Variants in SORCS1 observed in about 807,000 individuals in gnomAD.
SORCS1 encodes sortilin related VPS10 domain containing receptor 1.
In SORCS1, 60 loss-of-function variants were observed where a neutral mutation model predicts 146.1. The ratio of observed to expected loss-of-function variants is 0.41; its 90% CI spans 0.33 to 0.51. SORCS1 has a LOEUF of 0.51. Among genes scored for constraint, SORCS1 ranks in the 20% least tolerant of loss-of-function variants. SORCS1 has a pLI of 0.21. For synonymous variants in SORCS1, 637 were observed against 584.0 expected, an observed-to-expected ratio of 1.09 and a Z score of -1.31; for missense variants, 1,352 against 1,487.6, an observed-to-expected ratio of 0.91 and a Z score of 1.50.
At chr10:107,143,532 C>A (rs1590229540) in intron 1 of SORCS1, among the ~76,000 whole-genome samples, 1 of 152,084 alleles carries the variant, frequency 6.6e-6, no homozygotes, top group Admixed American at 6.5e-5. Context: ...GAGATGGAAT[C>A]TCCCTCTGTC....
In SORCS1 at chr10:106,836,004, T is replaced by TAA. The variant is rs5787690; in HGVS notation, c.627-6333_627-6332dup. 8.8e-3 allele frequency among the ~76,000 whole-genome samples: 1,270 copies of TAA among 143,690 alleles called. 45 individuals are homozygous for TAA. In the East Asian group the frequency reaches 0.12, roughly 13 times the overall value. The allele number at this position is 143,690 out of a possible 152,430, so 94.3% of individuals were successfully genotyped here. A position where few individuals can be genotyped will look rare whatever the true frequency, so the allele number is the denominator to read the frequency against. ...TGGGCAACAGGAGCGAGACTGCGTC[T>TAA]AAAAAAAAAAAAAAATCCTAACAGA... On this transcript the variant is annotated intron_variant, in intron 2 of 25. Transcript: ENST00000263054.
In SORCS1 at chr10:106,620,656, C is replaced by T. The variant is rs544448609; in HGVS notation, c.2663-95G>A. The T allele has an allele frequency of 9.8e-6, 14 of 1,429,062 alleles. No individual in the cohort carries two copies. The East Asian group carries it at 3.5e-4, about 35-fold the overall frequency. 88.5% of individuals were successfully genotyped at this position (1,429,062 alleles called of 1,614,324 possible). A position where few individuals can be genotyped will look rare whatever the true frequency, so the allele number is the denominator to read the frequency against. Reference sequence around the variant, plus strand: ...AGAGATCACACATTTACTCTTGAAGCCCCCAAAACCTGGCTGCCATATTCC... The same window carrying T: ...AGAGATCACACATTTACTCTTGAAGTCCCCAAAACCTGGCTGCCATATTCC... On this transcript the variant is annotated intron_variant, in intron 19 of 25. Coordinates refer to ENST00000263054, the MANE Select transcript of SORCS1 (RefSeq NM_052918.5).
At chr10:107,069,371 T>TTTTTTTC (rs1326408578) in intron 1 of SORCS1, among the ~76,000 whole-genome samples, 1 of 152,118 alleles carries the variant, frequency 6.6e-6, no homozygotes, top group Non-Finnish European at 1.5e-5. Context: ...TTCTTTTCCT[T>TTTTTTTC]TTTTTTCTTT....
intron 1 of SORCS1, among the ~76,000 whole-genome samples, chr10:107,052,810 T>C (rs1388921095): frequency 1.3e-5 from 2 of 152,120 alleles, no homozygotes; most frequent in East Asian, 3.9e-4. Flanking sequence ...TCTAGTGAAA[T>C]AGGCCCTTAT....
At chr10:106,741,620 T>C (rs1344784367) in intron 5 of SORCS1, among the ~76,000 whole-genome samples, 2 of 151,490 alleles carry the variant, frequency 1.3e-5, no homozygotes, top group African/African-American at 4.9e-5. Context: ...AATAATTATA[T>C]ATAGAGAGAG....
At chr10:106,744,537 A>C (rs183457342) in intron 5 of SORCS1, among the ~76,000 whole-genome samples, 5 of 152,310 alleles carry the variant, frequency 3.3e-5, no homozygotes, top group Admixed American at 2.6e-4. Context: ...TCCCTTACCC[A>C]CAAAGTTTAA....
chr10:106,675,024 G>A (rs1252952744), intron 14 of SORCS1, 25 bp downstream of exon 14: 1 of 1,546,132 alleles, frequency 6.5e-7, no homozygotes, highest in East Asian at 2.2e-5. Flanking sequence ...ATGAAGGCTG[G>A]ACCACATCAT....
At chr10:106,823,145 G>T (rs1250088082) in intron 3 of SORCS1, among the ~76,000 whole-genome samples, 1 of 152,072 alleles carries the variant, frequency 6.6e-6, no homozygotes, top group Non-Finnish European at 1.5e-5. Context: ...GGATGATCTT[G>T]TGTACAAAGT....
chr10:106,879,307 T>A (rs1168892864), intron 2 of SORCS1, among the ~76,000 whole-genome samples: 2 of 152,180 alleles, frequency 1.3e-5, no homozygotes, highest in African/African-American at 4.8e-5. Context: ...CTTTATTACT[T>A]TTGGCAGTGT....
At chr10:106,814,935 A>G (rs1054419892) in intron 3 of SORCS1, among the ~76,000 whole-genome samples, 41 of 147,402 alleles carry the variant, frequency 2.8e-4, no homozygotes, top group African/African-American at 9.6e-4. Flanking sequence ...AAAAAAAAAA[A>G]GGTGGTCTTA....
chr10:107,039,332 G>A (rs200978384), intron 1 of SORCS1, among the ~76,000 whole-genome samples: 2,594 of 109,294 alleles, frequency 0.024, no homozygotes, highest in Non-Finnish European at 0.025. Flanking sequence ...CTCAAATAAA[G>A]AAAAAAAAAA....
At chr10:106,914,469 C>T (rs1356950309) in intron 2 of SORCS1, among the ~76,000 whole-genome samples, 3 of 152,050 alleles carry the variant, frequency 2.0e-5, no homozygotes, top group Non-Finnish European at 2.9e-5. Context: ...ATGTGCCAGG[C>T]AGTAAAATAA....
intron 3 of SORCS1, among the ~76,000 whole-genome samples, chr10:106,810,461 G>A (rs1466044542): frequency 6.6e-6 from 1 of 152,160 alleles, no homozygotes; most frequent in Non-Finnish European, 1.5e-5. Flanking sequence ...ATAAGCCTAT[G>A]TGGGATGCCT....
At chr10:106,588,764 G>A (rs11815766) in intron 24 of SORCS1, among the ~76,000 whole-genome samples, 5,153 of 149,954 alleles carry the variant, frequency 0.034, 273 homozygotes, top group African/African-American at 0.12. Context: ...CGGAGGCTGA[G>A]GCAGGAGAAT....
At chr10:106,631,096 G>A (rs1848414213) in intron 18 of SORCS1, among the ~76,000 whole-genome samples, 1 of 152,170 alleles carries the variant, frequency 6.6e-6, no homozygotes. Context: ...AGTTTAAAAT[G>A]TTGACATTTA....
chr10:106,602,336 G>T (rs994066313), intron 23 of SORCS1, among the ~76,000 whole-genome samples: 1 of 152,154 alleles, frequency 6.6e-6, no homozygotes, highest in African/African-American at 2.4e-5. Context: ...CAGTTGGTCA[G>T]TCTTGATTCT....
At chr10:106,925,903 A>C (rs1433270658) in intron 2 of SORCS1, among the ~76,000 whole-genome samples, 1 of 152,226 alleles carries the variant, frequency 6.6e-6, no homozygotes, top group African/African-American at 2.4e-5. Context: ...TCTCTAAAAC[A>C]GTTCTGTTCC....
intron 1 of SORCS1, among the ~76,000 whole-genome samples, chr10:107,145,543 A>C (rs1460583226): frequency 6.6e-6 from 1 of 152,238 alleles, no homozygotes; most frequent in Non-Finnish European, 1.5e-5. Flanking sequence ...TTAAGAAAGA[A>C]ATAAAATAGA....
At chr10:106,972,863 T>C (rs1955848521) in intron 1 of SORCS1, among the ~76,000 whole-genome samples, 1 of 152,200 alleles carries the variant, frequency 6.6e-6, no homozygotes, top group South Asian at 2.1e-4. Flanking sequence ...AATGGGGAGA[T>C]GTTTTTTGTT....
Sources: allele counts gnomAD v4.1 joint callset (sites outside exome capture counted in the v4.1 genomes callset), GRCh38; gene constraint gnomAD v4.1.1; transcripts MANE v1.5; gene names NCBI Gene and HGNC (gene_info 2026-07-23, HGNC 2026-07-21).